Variants in CEP120 observed in about 807,000 individuals in gnomAD.
CEP120 encodes centrosomal protein of 120 kDa.
CEP120 carries 113 observed loss-of-function variants against 126.5 expected under a neutral mutation model. The ratio of observed to expected loss-of-function variants is 0.89; its 90% confidence interval spans 0.77 to 1.04. The LOEUF is 1.04. Ranked by LOEUF, CEP120 falls within the 50% of genes least tolerant of loss-of-function variation. The pLI, the probability that CEP120 is intolerant of heterozygous loss-of-function variation, is 0.00. For missense variants in CEP120, 1,230 were observed against 1,155.7 expected, an observed-to-expected ratio of 1.06 and a Z score of -0.93; for synonymous variants, 400 against 394.3, an observed-to-expected ratio of 1.01 and a Z score of -0.17.
rs10059995 is a variant in CEP120 at position 123,415,085 on chromosome 5, G to C, written c.321+925C>G. ...TCTGAGTTCTTTCTCTTGGGAGTAG[G>C]GGGGCAGAGAGGTACTGGTTAGATA... On this transcript the variant is annotated intron_variant, in intron 3 of 19. Coordinates refer to ENST00000306467, the MANE Select transcript of CEP120 (RefSeq NM_001375405.1). Among the ~76,000 whole-genome samples the C allele has an allele frequency of 2.6e-3, 390 of 152,034 alleles. 4 individuals are homozygous for C. The highest frequency in any genetic ancestry group is 8.8e-3 in the African/African-American group (365 of 41,406).
chr5:123,418,436 A>G lies in CEP120; in HGVS notation c.129T>C (p.Pro43=). ...ATTCTGGCTGGTCAGTGTGGTCCAC[A>G]GGATCAGTAGCCAACTGTTCTCCAT... is the stretch of plus-strand genomic sequence containing the variant. ...KFDGEQLATD[P]VDHTDQPEFA... The change falls in exon 2 of 20, where the codon CCT becomes CCC. Residue 43 remains proline, a synonymous_variant. Transcript: ENST00000306467. 6.2e-7 allele frequency: 1 copy of G among 1,613,156 alleles called. No individual in the cohort carries two copies. Among genetic ancestry groups the G allele is most frequent in the Admixed American group, 1.7e-5 (1 of 60,006 alleles).
chr5:123,365,878 C>G (rs1036062029), intron 17 of CEP120, among the ~76,000 whole-genome samples: 1 of 150,892 alleles, frequency 6.6e-6, no homozygotes, highest in Non-Finnish European at 1.5e-5. Flanking sequence ...TAGATGAGCC[C>G]AAGAATGAGG....
intron 5 of CEP120, among the ~76,000 whole-genome samples, chr5:123,394,824 A>C (rs1376853264): frequency 6.6e-6 from 1 of 152,224 alleles, no homozygotes; most frequent in Non-Finnish European, 1.5e-5. Context: ...TACAATCACA[A>C]ATTCTGGAGT....
chr5:123,358,716 G>A (rs1367210527), intron 18 of CEP120, among the ~76,000 whole-genome samples: 1 of 151,952 alleles, frequency 6.6e-6, no homozygotes, highest in Non-Finnish European at 1.5e-5. Flanking sequence ...ACAAGTTAGA[G>A]GGTAGTGAAA....
At chr5:123,420,765 G>A (rs1470488032) in intron 1 of CEP120, among the ~76,000 whole-genome samples, 1 of 152,140 alleles carries the variant, frequency 6.6e-6, no homozygotes, top group Non-Finnish European at 1.5e-5. Context: ...GATAATGAGG[G>A]CCCCTTACCA....
intron 3 of CEP120, among the ~76,000 whole-genome samples, chr5:123,412,869 A>G (rs1240154708): frequency 6.6e-6 from 1 of 152,162 alleles, no homozygotes; most frequent in Non-Finnish European, 1.5e-5. Context: ...CTTAAACAAC[A>G]AAAAAACTAC....
At position 123,379,634 on chromosome 5, in the gene CEP120, G is replaced by C. The variant is rs1039338790; in HGVS notation, c.2104-1206C>G. On this transcript the variant is annotated intron_variant, in intron 14 of 19. Transcript: ENST00000306467. ...GGCTTCATTCTCTCAGGAAGGCCTG[G>C]CTAAGAAAAGCCTACAGTATCTAGT... Among the ~76,000 whole-genome samples the C allele has an allele frequency of 5.3e-5, 8 of 152,060 alleles. No homozygotes were observed. The South Asian group carries it at 1.5e-3, about 28-fold the overall frequency.
chr5:123,380,755 G>A (rs1343234154), intron 14 of CEP120, among the ~76,000 whole-genome samples: 1 of 151,948 alleles, frequency 6.6e-6, no homozygotes, highest in Non-Finnish European at 1.5e-5. Flanking sequence ...TTAAAGGCTA[G>A]GTTAAAAATT....
At chr5:123,367,067 C>T (rs1379242212) in intron 17 of CEP120, among the ~76,000 whole-genome samples, 4 of 151,776 alleles carry the variant, frequency 2.6e-5, no homozygotes, top group African/African-American at 4.8e-5. Flanking sequence ...TATCACATTC[C>T]TTGGTGTTTG....
intron 4 of CEP120, among the ~76,000 whole-genome samples, chr5:123,408,358 A>C (rs1773829625): frequency 6.6e-6 from 1 of 152,044 alleles, no homozygotes; most frequent in African/African-American, 2.4e-5. Context: ...AAATAAAATC[A>C]ATAAGCCTCC....
chr5:123,413,538 AG>A (rs1180453178), intron 3 of CEP120, among the ~76,000 whole-genome samples: 2 of 152,166 alleles, frequency 1.3e-5, no homozygotes, highest in Non-Finnish European at 2.9e-5. Context: ...ATATATTATT[AG>A]GGCAGGAACC....
At chr5:123,355,954 A>G (rs922497010) in intron 18 of CEP120, among the ~76,000 whole-genome samples, 1 of 151,514 alleles carries the variant, frequency 6.6e-6, no homozygotes, top group African/African-American at 2.4e-5. Context: ...TAATTTTTGT[A>G]TAAGGTGTAA....
At chr5:123,363,419 T>A (rs966838907) in intron 18 of CEP120, among the ~76,000 whole-genome samples, 1 of 151,646 alleles carries the variant, frequency 6.6e-6, no homozygotes, top group Admixed American at 6.6e-5. Flanking sequence ...TTGCATATAT[T>A]TACACCTGGT....
chr5:123,394,265 C>A (rs1003204769), intron 5 of CEP120, among the ~76,000 whole-genome samples: 1 of 152,158 alleles, frequency 6.6e-6, no homozygotes, highest in Admixed American at 6.5e-5. Context: ...CAGTCCCTAA[C>A]CATTTTGGCA....
chr5:123,372,861 T>C, intron 16 of CEP120, 89 bp from the exon 17 acceptor site: 1 of 1,002,368 alleles, frequency 1.0e-6, no homozygotes, highest in Non-Finnish European at 1.5e-6. Flanking sequence ...TTTTTTTTTA[T>C]TCTACAGCAT....
chr5:123,365,372 T>G (rs920014241), intron 17 of CEP120, among the ~76,000 whole-genome samples: 1 of 151,770 alleles, frequency 6.6e-6, no homozygotes, highest in African/African-American at 2.4e-5. Context: ...AACAAATTCA[T>G]GTAGCCAACA....
chr5:123,372,546 C>G (rs1250753315), intron 17 of CEP120, 104 bp downstream of exon 17: 3 of 1,165,652 alleles, frequency 2.6e-6, no homozygotes, highest in Non-Finnish European at 3.8e-6. Flanking sequence ...TATTTGACAT[C>G]AGAACACTAC....
chr5:123,346,383 T>G lies in CEP120; in HGVS notation c.*136A>C. ...AGTAAATAAGATCAAATAAATACTA[T>G]ACAATAACATACAAAATTTTGCTTA... On this transcript the variant is annotated 3_prime_UTR_variant, in exon 20 of 20. Transcript: ENST00000306467. 5 of 619,816 alleles carry G rather than the reference T, an allele frequency of 8.1e-6. No homozygotes were observed. Among genetic ancestry groups the G allele is most frequent in the Non-Finnish European group, 1.4e-5 (5 of 362,034 alleles). 38.4% of individuals were successfully genotyped at this position (619,816 alleles called of 1,614,324 possible).
chr5:123,382,968 A>G lies in CEP120; in HGVS notation c.1860+18T>C. 3.8e-6 allele frequency: 6 copies of G among 1,594,052 alleles called. No homozygotes were observed. Among genetic ancestry groups the G allele is most frequent in the Non-Finnish European group, 5.1e-6 (6 of 1,169,614 alleles). On this transcript the variant is annotated intron_variant, in intron 12 of 19. Transcript: ENST00000306467. Reference sequence around the variant, plus strand: ...GATTCCTTTTAAAAAAAATTTGATAACATTCAATTATATTTACCTGAGATG... The same window carrying G: ...GATTCCTTTTAAAAAAAATTTGATAGCATTCAATTATATTTACCTGAGATG...
Sources: allele counts gnomAD v4.1 joint callset (sites outside exome capture counted in the v4.1 genomes callset), GRCh38; gene constraint gnomAD v4.1.1; transcripts MANE v1.5; gene names NCBI Gene and HGNC (gene_info 2026-07-23, HGNC 2026-07-21).